FBXW10: variants seen among roughly 807,000 people sequenced by gnomAD.
FBXW10 encodes the protein F-box/WD repeat-containing protein 10.
In FBXW10, 68 loss-of-function variants were observed where a neutral mutation model predicts 113.1. That is an observed-to-expected ratio of 0.60 (90% confidence interval 0.49 to 0.74). The LOEUF is 0.74. Ranked by LOEUF, FBXW10 falls within the 30% of genes least tolerant of loss-of-function variation. FBXW10 has a pLI of 0.00. For missense variants in FBXW10, 753 were observed against 1,284.5 expected (o/e 0.59, Z 6.32); for synonymous variants, 289 against 481.6 (o/e 0.60, Z 5.24).
chr17:18,776,333 A>T (rs2035698764), intron 13 of FBXW10, among the ~76,000 whole-genome samples: 1 of 152,092 alleles, frequency 6.6e-6, no homozygotes, highest in African/African-American at 2.4e-5. Flanking sequence ...AAAAAAAAAA[A>T]AGTTTCTGGA....
At chr17:18,764,905 G>A (rs368351579) in intron 8 of FBXW10, 42 bp downstream of exon 8, 134 of 1,613,674 alleles carry the variant, frequency 8.3e-5, no homozygotes, top group Middle Eastern at 6.6e-4. Context: ...AGTTTCCCCC[G>A]ACCCACGGGT....
chr17:18,768,433 A>T (rs1403066094), intron 9 of FBXW10, 101 bp from the exon 10 acceptor site: 2 of 1,497,124 alleles, frequency 1.3e-6, no homozygotes, highest in African/African-American at 2.8e-5. Flanking sequence ...GCAGTCACAG[A>T]TTGGTGGGGG....
chr17:18,777,628 C>T (rs2035726912), intron 13 of FBXW10, among the ~76,000 whole-genome samples: 1 of 151,452 alleles, frequency 6.6e-6, no homozygotes, highest in Non-Finnish European at 1.5e-5. Flanking sequence ...ACTGCAAGCT[C>T]TGCCTCCTGG....
At position 18,772,577 on chromosome 17, in the gene FBXW10, C is replaced by T. The variant is rs564016743; in HGVS notation, c.2172C>T (p.His724=). The stretch of plus-strand genomic sequence containing the variant: ...TCTCTAAGTGTAATATTCAGGTTCA[C>T]AGCCCAAGAGAGTCTGTATCCAGTA... ...EILSKCNIQV[H]SPRESVSSKQ... The change falls in exon 12 of 14, where the codon CAC becomes CAT. Residue 724 remains histidine (H), a synonymous_variant. Coordinates refer to ENST00000395665, the MANE Select transcript of FBXW10 (RefSeq NM_001267585.2). 1.8e-5 allele frequency: 29 copies of T among 1,613,948 alleles called. No individual in the cohort carries two copies. The highest frequency in any genetic ancestry group is 1.6e-4 in the Middle Eastern group (1 of 6,062).
At chr17:18,759,980 G>A (rs563655471) in intron 7 of FBXW10, among the ~76,000 whole-genome samples, 23 of 152,252 alleles carry the variant, frequency 1.5e-4, no homozygotes, top group African/African-American at 5.5e-4. Context: ...GTGTCCCCTG[G>A]TGCCCATGTG....
Position 18,772,549 on chromosome 17 carries a change from TTCTC to T in FBXW10, c.2148_2151del (p.Lys718ValfsTer18), listed in dbSNP as rs778552789. On this transcript the variant is annotated frameshift_variant, in exon 12 of 14. Transcript: ENST00000395665. LOFTEE classifies it high-confidence loss of function. ...AAAGAAGAAAATAGTCTCATGGAAA[TTCTC>T]TCTAAGTGTAATATTCAGGTTCACA... 4.3e-5 allele frequency: 70 copies of T among 1,613,972 alleles called. No individual in the cohort carries two copies. The highest frequency in any genetic ancestry group is 2.5e-4 in the South Asian group (23 of 91,084).
intron 9 of FBXW10, among the ~76,000 whole-genome samples, chr17:18,767,484 G>T (rs548846857): frequency 6.6e-6 from 1 of 151,190 alleles, no homozygotes; most frequent in South Asian, 2.1e-4. Flanking sequence ...GTGAGGGGAT[G>T]AACAAAGCAT....
chr17:18,756,134 T>C lies in FBXW10; in HGVS notation c.1212T>C (p.Asn404=), dbSNP rs2035258330. The change falls in exon 6 of 14, where the codon AAT becomes AAC. Residue 404 remains asparagine (N), a synonymous_variant. Coordinates refer to ENST00000395665, the MANE Select transcript of FBXW10 (RefSeq NM_001267585.2). ...EERNVFCGTY[N]VRILSDTWDQ... Reference sequence around the variant, plus strand: ...GAAATGTTTTCTGTGGGACCTACAATGTTCGCATTCTCTCTGACACGTAGG... The same window carrying C: ...GAAATGTTTTCTGTGGGACCTACAACGTTCGCATTCTCTCTGACACGTAGG... The C allele has an allele frequency of 1.9e-6, 3 of 1,613,936 alleles. No homozygotes were observed. Among genetic ancestry groups the C allele is most frequent in the Non-Finnish European group, 2.5e-6 (3 of 1,179,854 alleles).
chr17:18,759,809 GT>G, intron 7 of FBXW10, among the ~76,000 whole-genome samples: 1 of 152,158 alleles, frequency 6.6e-6, no homozygotes, highest in East Asian at 1.9e-4. Flanking sequence ...TAGAGAAGGG[GT>G]TTCCCCATGT....
chr17:18,762,381 G>A (rs1413269933), intron 7 of FBXW10, among the ~76,000 whole-genome samples: 5 of 147,034 alleles, frequency 3.4e-5, no homozygotes, highest in Non-Finnish European at 6.0e-5. Context: ...GCTGTGACGC[G>A]ATCTCGGCTC....
In FBXW10 at chr17:18,775,021, T is replaced by C. The variant is rs2035677191; in HGVS notation, c.2279-115T>C. The stretch of plus-strand genomic sequence containing the variant: ...TATGTACCCATAAAAAACAAGATAG[T>C]GATATTTTGTATAAAAATCAGTCCA... On this transcript the variant is annotated intron_variant, in intron 12 of 13. Coordinates refer to ENST00000395665, the MANE Select transcript of FBXW10 (RefSeq NM_001267585.2). 7.5e-6 allele frequency: 5 copies of C among 667,046 alleles called. No individual in the cohort carries two copies. In the South Asian group the frequency reaches 7.8e-5, roughly 10 times the overall value. The allele number at this position is 667,046 out of a possible 1,614,324, so 41.3% of individuals were successfully genotyped here. A position where few individuals can be genotyped will look rare whatever the true frequency, so the allele number is the denominator to read the frequency against.
intron 11 of FBXW10, 49 bp from the exon 12 acceptor site, chr17:18,772,363 G>A (rs1241718950): frequency 5.1e-6 from 8 of 1,568,792 alleles, no homozygotes; most frequent in East Asian, 4.5e-5. Flanking sequence ...TGCATCTTTC[G>A]GTGGCCTCCA....
At chr17:18,751,951 T>C (rs1228318787) in intron 5 of FBXW10, among the ~76,000 whole-genome samples, 2 of 152,186 alleles carry the variant, frequency 1.3e-5, no homozygotes, top group Non-Finnish European at 2.9e-5. Context: ...CAAGGCATGG[T>C]TGATATTCCT....
In FBXW10 at chr17:18,750,100, C is replaced by A. The variant is rs779830992; in HGVS notation, c.962C>A (p.Ala321Glu). The change falls in exon 4 of 14, where the codon GCG becomes GAG. Residue 321 changes from alanine to glutamate, a missense_variant. Transcript: ENST00000395665. ...MAQQVKMDLSAHGFIQNQITF... is the reference protein window; with the variant it reads ...MAQQVKMDLSEHGFIQNQITF... Reference sequence around the variant, plus strand: ...CAACAGGTCAAGATGGACTTGTCAGCGCACGGCTTCATTCAGAACCAGATT... The same window carrying A: ...CAACAGGTCAAGATGGACTTGTCAGAGCACGGCTTCATTCAGAACCAGATT... 1.9e-6 allele frequency: 3 copies of A among 1,611,854 alleles called. No individual in the cohort carries two copies. Among genetic ancestry groups the A allele is most frequent in the Admixed American group, 1.7e-5 (1 of 59,768 alleles).
chr17:18,772,593 G>C lies in FBXW10; in HGVS notation c.2188G>C (p.Val730Leu). ...TCAGGTTCACAGCCCAAGAGAGTCT[G>C]TATCCAGTAAACAAACTGTGATCCA... is the stretch of plus-strand genomic sequence containing the variant. ...NIQVHSPRES[V>L]SSKQTVIQEL... The change falls in exon 12 of 14, where the codon GTA (valine) becomes CTA (leucine). Residue 730 changes from valine (V) to leucine (L), a missense_variant. Transcript: ENST00000395665. 2 of 1,613,908 alleles carry C rather than the reference G, an allele frequency of 1.2e-6. No individual in the cohort carries two copies. The highest frequency in any genetic ancestry group is 1.7e-6 in the Non-Finnish European group (2 of 1,179,750).
intron 6 of FBXW10, among the ~76,000 whole-genome samples, chr17:18,757,489 T>C (rs1224402776): frequency 2.0e-4 from 31 of 152,328 alleles, no homozygotes; most frequent in African/African-American, 7.0e-4. Flanking sequence ...TCATTAATAA[T>C]AGTGTCCCCA....
At chr17:18,774,831 T>C (rs770158814) in intron 12 of FBXW10, among the ~76,000 whole-genome samples, 1 of 152,088 alleles carries the variant, frequency 6.6e-6, no homozygotes, top group Non-Finnish European at 1.5e-5. Context: ...AAACCAATAA[T>C]GTATTGTATA....
At chr17:18,764,981 A>C in intron 8 of FBXW10, 118 bp downstream of exon 8, 2 of 1,600,266 alleles carry the variant, frequency 1.2e-6, no homozygotes, top group South Asian at 1.1e-5. Context: ...TCATCCATCC[A>C]TCCATCCACC....
chr17:18,747,386 C>T (rs1445810884), intron 1 of FBXW10, among the ~76,000 whole-genome samples: 1 of 152,056 alleles, frequency 6.6e-6, no homozygotes, highest in African/African-American at 2.4e-5. Flanking sequence ...CATGGCGAAA[C>T]CCCATCTCTA....
Sources: allele counts gnomAD v4.1 joint callset (sites outside exome capture counted in the v4.1 genomes callset), GRCh38; gene constraint gnomAD v4.1.1; transcripts MANE v1.5; gene names NCBI Gene and HGNC (gene_info 2026-07-23, HGNC 2026-07-21).